IFT46: variants seen among roughly 807,000 people sequenced by gnomAD.
IFT46 encodes intraflagellar transport protein 46 homolog.
A neutral mutation model predicts 39.6 loss-of-function variants in IFT46; 19 were observed. The ratio of observed to expected loss-of-function variants is 0.48; its 90% CI spans 0.33 to 0.70. The LOEUF (loss-of-function observed/expected upper bound fraction) is 0.70, where lower values mean the gene tolerates loss of function less well. Ranked by LOEUF, IFT46 falls within the 30% of genes least tolerant of loss-of-function variation. The probability of loss-of-function intolerance (pLI) is 0.01; values close to 1 mark genes in which losing one functional copy is unlikely to be tolerated. For synonymous variants in IFT46, 117 were observed against 134.8 expected (o/e 0.87, Z 0.91); for missense variants, 334 against 364.8 (o/e 0.92, Z 0.69).
intron 7 of IFT46, among the ~76,000 whole-genome samples, chr11:118,553,710 T>G (rs1056560641): frequency 6.6e-6 from 1 of 152,170 alleles, no homozygotes; most frequent in African/African-American, 2.4e-5. Flanking sequence ...TATACAAATA[T>G]TCAAAGCACC....
At position 118,561,469 on chromosome 11, in the gene IFT46, T is replaced by G. The variant is rs1938053041; in HGVS notation, c.-35-1605A>C. 63 of 778,648 alleles carry G rather than the reference T, an allele frequency of 8.1e-5. No homozygotes were observed. In the South Asian group the frequency reaches 8.6e-4, roughly 11 times the overall value. The allele number at this position is 778,648 out of a possible 1,614,324, so 48.2% of individuals were successfully genotyped here. A position where few individuals can be genotyped will look rare whatever the true frequency, so the allele number is the denominator to read the frequency against. ...ATGAAAAGAGGCCCAAGAAAGAAGT[T>G]AAAAAGAATAGGTGGAACTGTCCCA... On this transcript the variant is annotated intron_variant, in intron 2 of 11. Coordinates refer to ENST00000264021, the MANE Select transcript of IFT46 (RefSeq NM_001168618.2).
intron 3 of IFT46, among the ~76,000 whole-genome samples, chr11:118,558,840 C>G (rs531436350): frequency 6.6e-6 from 1 of 151,694 alleles, no homozygotes; most frequent in Non-Finnish European, 1.5e-5. Context: ...ATTGCTTGAA[C>G]CCAAGAGGCA....
intron 2 of IFT46, among the ~76,000 whole-genome samples, chr11:118,562,756 A>G (rs1555070777): frequency 6.6e-6 from 1 of 152,158 alleles, no homozygotes; most frequent in African/African-American, 2.4e-5. Context: ...GTCCATTAAC[A>G]AATGAATGAA....
upstream of IFT46, among the ~76,000 whole-genome samples, chr11:118,576,783 A>G (rs1370698717): frequency 2.6e-5 from 4 of 152,130 alleles, no homozygotes; most frequent in African/African-American, 9.7e-5. Flanking sequence ...ATGGGGAACT[A>G]TGGTCCTATT....
chr11:118,559,218 G>A (rs545865454), intron 3 of IFT46, among the ~76,000 whole-genome samples: 1 of 152,154 alleles, frequency 6.6e-6, no homozygotes, highest in South Asian at 2.1e-4. Context: ...GGTCCTATAT[G>A]TTTCTAGAGA....
At chr11:118,567,531 G>A (rs915938289), upstream of IFT46, among the ~76,000 whole-genome samples, 1 of 151,924 alleles carries the variant, frequency 6.6e-6, no homozygotes, top group Non-Finnish European at 1.5e-5. Flanking sequence ...AGCCGAGATC[G>A]CACCACTGCA....
At chr11:118,557,146 C>A in intron 3 of IFT46, 101 bp from the exon 4 acceptor site, 1 of 1,050,082 alleles carries the variant, frequency 9.5e-7, no homozygotes. Flanking sequence ...AACCACCTGG[C>A]ACCTCGTCAC....
upstream of IFT46, among the ~76,000 whole-genome samples, chr11:118,570,290 G>C (rs534825276): frequency 2.8e-4 from 43 of 151,090 alleles, no homozygotes; most frequent in Non-Finnish European, 5.6e-4. Context: ...TCGATCTCTT[G>C]ACCTTGTGAT....
At chr11:118,567,540 C>T (rs1411855757), upstream of IFT46, among the ~76,000 whole-genome samples, 1 of 152,222 alleles carries the variant, frequency 6.6e-6, no homozygotes, top group Non-Finnish European at 1.5e-5. Flanking sequence ...CGCACCACTG[C>T]ACTCCAGCCT....
intron 11 of IFT46, 74 bp from the exon 12 acceptor site, chr11:118,545,085 C>A: frequency 8.9e-7 from 1 of 1,122,314 alleles, no homozygotes; most frequent in East Asian, 2.5e-5. Context: ...GAATTAATTT[C>A]TTTAAAATGA....
At chr11:118,566,485 G>T (rs1402760803), upstream of IFT46, among the ~76,000 whole-genome samples, 1 of 152,194 alleles carries the variant, frequency 6.6e-6, no homozygotes, top group Non-Finnish European at 1.5e-5. Context: ...GAGGTCAGGA[G>T]ATCGAGACCA....
intron 9 of IFT46, among the ~76,000 whole-genome samples, chr11:118,550,854 C>A (rs11216890): frequency 4.6e-5 from 7 of 151,628 alleles, no homozygotes; most frequent in African/African-American, 1.7e-4. Context: ...TGGTGAAACC[C>A]CGTCTCTACT....
At chr11:118,568,926 G>A (rs1164882895), upstream of IFT46, among the ~76,000 whole-genome samples, 1 of 151,860 alleles carries the variant, frequency 6.6e-6, no homozygotes, top group Non-Finnish European at 1.5e-5. Context: ...AAAATGCTGG[G>A]ATTACAGGCG....
exon 1 of IFT46, chr11:118,572,893 T>C (rs914618135): frequency 9.2e-6 from 3 of 326,976 alleles, no homozygotes; most frequent in Non-Finnish European, 1.1e-5. Context: ...TCGGAACTGA[T>C]GCTGTCCCGC....
intron 9 of IFT46, among the ~76,000 whole-genome samples, chr11:118,550,887 C>CTCTACTAAAAATACAAAAAT (rs1555068262): frequency 6.6e-6 from 1 of 151,400 alleles, no homozygotes; most frequent in Admixed American, 6.6e-5. Context: ...ATTAGCCAGG[C>CTCTACTAAAAATACAAAAAT]ACAGTGGCAG....
chr11:118,550,271 A>G (rs1803444368), intron 9 of IFT46, among the ~76,000 whole-genome samples: 1 of 152,154 alleles, frequency 6.6e-6, no homozygotes, highest in Non-Finnish European at 1.5e-5. Flanking sequence ...ATGACTTTTA[A>G]GTTTCTTATT....
chr11:118,563,473 T>C (rs1376233258), intron 2 of IFT46, among the ~76,000 whole-genome samples: 1 of 152,220 alleles, frequency 6.6e-6, no homozygotes, highest in Non-Finnish European at 1.5e-5. Context: ...ACCCTGGATG[T>C]CATCCTTGAT....
chr11:118,572,497 C>T lies in IFT46; in HGVS notation c.-133+99G>A. 4.4e-6 allele frequency: 7 copies of T among 1,608,340 alleles called. No individual in the cohort carries two copies. In the South Asian group the frequency reaches 5.5e-5, roughly 13 times the overall value. ...GTGCTCCCGTTCCCCAGACCCTACC[C>T]CTATCCCCAGTGGAGCCGGAGTGCG... On this transcript the variant is annotated intron_variant, in intron 1 of 5. Coordinates refer to the IFT46 transcript ENST00000528378.
At chr11:118,550,010 G>A (rs1000289841) in intron 9 of IFT46, among the ~76,000 whole-genome samples, 7 of 148,766 alleles carry the variant, frequency 4.7e-5, no homozygotes, top group Non-Finnish European at 5.9e-5. Flanking sequence ...TGCAACCTCC[G>A]TGCCCTCCTC....
Sources: gnomAD v4.1 joint callset for allele counts (sites outside exome capture counted in the v4.1 genomes callset) on GRCh38, gnomAD v4.1.1 for gene constraint, MANE v1.5 for transcripts, NCBI Gene and HGNC (gene_info 2026-07-23, HGNC 2026-07-21) for gene names.